Variants in ASTN2 observed in about 807,000 individuals in gnomAD.
The protein encoded by ASTN2 is astrotactin-2.
ASTN2 carries 54 observed loss-of-function variants against 139.8 expected under a neutral mutation model. The observed-to-expected ratio is 0.39, with a 90% CI of 0.31 to 0.48. The LOEUF (loss-of-function observed/expected upper bound fraction) is 0.48. Ranked by LOEUF, ASTN2 falls within the 20% of genes least tolerant of loss-of-function variation. The pLI, the probability that ASTN2 is intolerant of heterozygous loss-of-function variation, is 0.95. For missense variants in ASTN2, 1,565 were observed against 1,725.1 expected, an observed-to-expected ratio of 0.91 and a Z score of 1.64; for synonymous variants, 756 against 719.5, an observed-to-expected ratio of 1.05 and a Z score of -0.81.
In ASTN2 at chr9:116,619,211, A is replaced by G. The variant is rs1032874875; in HGVS notation, c.3207-739T>C. Among the ~76,000 whole-genome samples, 5 of 152,034 alleles carry G rather than the reference A, an allele frequency of 3.3e-5. No individual in the cohort carries two copies. The South Asian group carries it at 8.3e-4, about 25-fold the overall frequency. ...CTCACCCACAGAGTTCGATTATGGG[A>G]CTTTGTTTTCCAGTATTGGTTCCTG... On this transcript the variant is annotated intron_variant, in intron 18 of 22. Coordinates refer to ENST00000313400, the MANE Select transcript of ASTN2 (RefSeq NM_001365068.1).
intron 16 of ASTN2, among the ~76,000 whole-genome samples, chr9:116,717,866 A>C (rs1472308268): frequency 6.6e-6 from 1 of 152,242 alleles, no homozygotes; most frequent in Non-Finnish European, 1.5e-5. Context: ...ATGCAGATGA[A>C]CAACACTTTG....
chr9:116,451,293 T>G (rs1175132370), intron 20 of ASTN2, among the ~76,000 whole-genome samples: 1 of 152,226 alleles, frequency 6.6e-6, no homozygotes, highest in Non-Finnish European at 1.5e-5. Context: ...CACTTAAAAT[T>G]AAATACATAT....
Position 117,136,977 on chromosome 9 carries a change from C to T in ASTN2, c.1168+4349G>A, listed in dbSNP as rs566196639. ...GAATTAAATTTCAAACACAAAGTCC[C>T]GCTTTCAAAAACCGCTACCTAAACT... On this transcript the variant is annotated intron_variant, in intron 4 of 22. Coordinates refer to ENST00000313400, the MANE Select transcript of ASTN2 (RefSeq NM_001365068.1). Among the ~76,000 whole-genome samples the T allele has an allele frequency of 6.6e-4, 101 of 152,238 alleles. No homozygotes were observed. In the South Asian group the frequency reaches 0.015, roughly 22 times the overall value.
At chr9:117,215,655 C>G (rs1024573525) in intron 2 of ASTN2, among the ~76,000 whole-genome samples, 1 of 152,068 alleles carries the variant, frequency 6.6e-6, no homozygotes, top group Non-Finnish European at 1.5e-5. Context: ...TTTCAAAACA[C>G]GTCTGTAATC....
intron 1 of ASTN2, among the ~76,000 whole-genome samples, chr9:117,372,253 A>G (rs1399966967): frequency 6.6e-6 from 1 of 152,094 alleles, no homozygotes; most frequent in Non-Finnish European, 1.5e-5. Context: ...TCTCTTTCCA[A>G]TGCCCTTTGA....
At chr9:116,644,075 T>C (rs1257881586) in intron 17 of ASTN2, among the ~76,000 whole-genome samples, 1 of 152,106 alleles carries the variant, frequency 6.6e-6, no homozygotes, top group East Asian at 1.9e-4. Context: ...CTGGTAGTGA[T>C]AGTAGTGGTG....
intron 2 of ASTN2, among the ~76,000 whole-genome samples, chr9:117,275,160 C>T (rs1036122180): frequency 2.6e-5 from 4 of 152,216 alleles, no homozygotes; most frequent in Non-Finnish European, 4.4e-5. Context: ...TCACCACATG[C>T]ACCTTTAGCA....
At chr9:116,675,393 A>G (rs779975499) in intron 16 of ASTN2, among the ~76,000 whole-genome samples, 8 of 151,926 alleles carry the variant, frequency 5.3e-5, no homozygotes, top group Non-Finnish European at 8.8e-5. Flanking sequence ...TGTAGCCCCA[A>G]TGCAGGGAGT....
At chr9:116,735,626 T>A (rs1394882344) in intron 13 of ASTN2, among the ~76,000 whole-genome samples, 1 of 152,208 alleles carries the variant, frequency 6.6e-6, no homozygotes, top group African/African-American at 2.4e-5. Context: ...ACACAAAAAA[T>A]GGCCATGCAG....
intron 16 of ASTN2, among the ~76,000 whole-genome samples, chr9:116,708,884 G>A (rs1828066760): frequency 6.6e-6 from 1 of 152,146 alleles, no homozygotes; most frequent in Non-Finnish European, 1.5e-5. Context: ...ACTGCAATTA[G>A]TGACCCCTGA....
At chr9:116,518,666 C>A (rs534605641) in intron 19 of ASTN2, among the ~76,000 whole-genome samples, 1 of 152,228 alleles carries the variant, frequency 6.6e-6, no homozygotes, top group African/African-American at 2.4e-5. Flanking sequence ...TACATAACAT[C>A]TTAATGCTAA....
intron 19 of ASTN2, among the ~76,000 whole-genome samples, chr9:116,576,706 C>T (rs967469398): frequency 6.6e-6 from 1 of 152,138 alleles, no homozygotes; most frequent in Non-Finnish European, 1.5e-5. Flanking sequence ...TTCGGGCATT[C>T]TCCCCTTCTT....
chr9:116,668,380 A>AG (rs890234985), intron 16 of ASTN2, among the ~76,000 whole-genome samples: 7 of 152,044 alleles, frequency 4.6e-5, no homozygotes, highest in African/African-American at 1.7e-4. Flanking sequence ...TTGTAGAGAT[A>AG]GGGTTTCACC....
At chr9:117,091,113 CA>C (rs1828694226) in intron 5 of ASTN2, among the ~76,000 whole-genome samples, 1 of 152,160 alleles carries the variant, frequency 6.6e-6, no homozygotes, top group African/African-American at 2.4e-5. Flanking sequence ...CTCTGCTTAC[CA>C]GGAGCAGGAA....
At chr9:116,440,072 G>GT (rs1248620268) in intron 22 of ASTN2, among the ~76,000 whole-genome samples, 5 of 152,282 alleles carry the variant, frequency 3.3e-5, no homozygotes, top group African/African-American at 1.2e-4. Flanking sequence ...CCTTAGTTCT[G>GT]TTTGAATCAT....
intron 13 of ASTN2, among the ~76,000 whole-genome samples, chr9:116,756,067 C>G (rs1280104774): frequency 6.6e-6 from 1 of 152,230 alleles, no homozygotes; most frequent in African/African-American, 2.4e-5. Flanking sequence ...TAATTTGTTA[C>G]AGTAGCCATG....
At chr9:117,249,603 T>G (rs894674521) in intron 2 of ASTN2, among the ~76,000 whole-genome samples, 3 of 152,070 alleles carry the variant, frequency 2.0e-5, no homozygotes, top group African/African-American at 7.2e-5. Flanking sequence ...GTGGTTCCTC[T>G]CTTCACCCAC....
intron 11 of ASTN2, among the ~76,000 whole-genome samples, chr9:116,845,590 T>C (rs749285788): frequency 9.2e-5 from 14 of 152,178 alleles, no homozygotes; most frequent in Non-Finnish European, 2.1e-4. Context: ...GACATTTCTC[T>C]AAAAATGATA....
chr9:117,298,380 C>T (rs146756450), intron 1 of ASTN2, among the ~76,000 whole-genome samples: 169 of 152,184 alleles, frequency 1.1e-3, no homozygotes, highest in Middle Eastern at 3.4e-3. Context: ...GTCTGGAGAC[C>T]AACTGCTTGA....
Sources: gnomAD v4.1 joint callset for allele counts (sites outside exome capture counted in the v4.1 genomes callset) on GRCh38, gnomAD v4.1.1 for gene constraint, MANE v1.5 for transcripts, NCBI Gene and HGNC (gene_info 2026-07-23, HGNC 2026-07-21) for gene names.